The following SCHIP1 variants were observed in gnomAD, a reference collection of about 807,000 sequenced individuals.
The protein encoded by SCHIP1 is schwannomin-interacting protein 1.
A neutral mutation model predicts 29.7 loss-of-function variants in SCHIP1; 8 were observed. The observed-to-expected ratio is 0.27, with a 90% CI of 0.16 to 0.49. The LOEUF is 0.49. Among genes scored for constraint, SCHIP1 ranks in the 20% least tolerant of loss-of-function variants. The pLI, the probability that SCHIP1 is intolerant of heterozygous loss-of-function variation, is 0.99. For synonymous variants in SCHIP1, 76 were observed against 94.9 expected (o/e 0.80, Z 1.16); for missense variants, 193 against 294.6 (o/e 0.66, Z 2.52).
At chr3:159,501,867 A>G in the SCHIP1 span, among the ~76,000 whole-genome samples, 1 of 152,198 alleles carries the variant, frequency 6.6e-6, no homozygotes, top group African/African-American at 2.4e-5. Flanking sequence ...GCATTTGGAT[A>G]CATGAGTTCC....
intron 3 of SCHIP1, chr3:159,886,545 TA>T: frequency 2.3e-6 from 1 of 433,948 alleles, no homozygotes. Flanking sequence ...ATTTTCATAT[TA>T]AACCATTAGA....
At chr3:159,703,200 T>G in the SCHIP1 span, among the ~76,000 whole-genome samples, 2 of 152,156 alleles carry the variant, frequency 1.3e-5, no homozygotes, top group Non-Finnish European at 2.9e-5. Context: ...AATCAAATGA[T>G]TCAAGAACTT....
the SCHIP1 span, among the ~76,000 whole-genome samples, chr3:159,593,954 CT>C: frequency 6.6e-6 from 1 of 152,216 alleles, no homozygotes; most frequent in African/African-American, 2.4e-5. Context: ...CTGTGATCAC[CT>C]CTGCTACTGG....
chr3:159,870,801 A>G (rs1715176618), intron 2 of SCHIP1, among the ~76,000 whole-genome samples: 2 of 151,982 alleles, frequency 1.3e-5, no homozygotes, highest in African/African-American at 2.4e-5. Flanking sequence ...TATCAGGGTT[A>G]TGCTGGCTTA....
At chr3:159,624,201 A>G in the SCHIP1 span, among the ~76,000 whole-genome samples, 1 of 152,194 alleles carries the variant, frequency 6.6e-6, no homozygotes, top group Non-Finnish European at 1.5e-5. Context: ...GCAACCCTCT[A>G]AAATATGTTC....
chr3:159,691,487 G>A, the SCHIP1 span, among the ~76,000 whole-genome samples: 3 of 133,630 alleles, frequency 2.2e-5, no homozygotes, highest in East Asian at 6.9e-4. Flanking sequence ...TTGAGCCTAT[G>A]TGTATCTTTG....
the SCHIP1 span, among the ~76,000 whole-genome samples, chr3:159,608,080 G>A: frequency 1.2e-4 from 18 of 152,190 alleles, no homozygotes; most frequent in Non-Finnish European, 1.8e-4. Flanking sequence ...CAGAAAGTCA[G>A]ATGTGGGCTC....
chr3:159,301,895 A>T, the SCHIP1 span, among the ~76,000 whole-genome samples: 3,632 of 152,274 alleles, frequency 0.024, 143 homozygotes, highest in African/African-American at 0.083. Flanking sequence ...AAACTTCATT[A>T]TATCTGAAAC....
chr3:159,855,527 G>A lies in SCHIP1; in HGVS notation c.31-10636G>A, dbSNP rs889236084. On this transcript the variant is annotated intron_variant, in intron 1 of 6. Coordinates refer to ENST00000445224, the Ensembl canonical transcript of SCHIP1. ...ATCAGTAAGATGGTTTTGAGTCCATGCCTGTAATATACATATATTTTATTC... is the reference window on the plus strand; with the variant it reads ...ATCAGTAAGATGGTTTTGAGTCCATACCTGTAATATACATATATTTTATTC... Among the ~76,000 whole-genome samples the A allele has an allele frequency of 5.3e-5, 8 of 152,100 alleles. No homozygotes were observed. In the East Asian group the frequency reaches 1.2e-3, roughly 22 times the overall value.
chr3:159,476,173 T>C, the SCHIP1 span, among the ~76,000 whole-genome samples: 1 of 152,282 alleles, frequency 6.6e-6, no homozygotes, highest in East Asian at 1.9e-4. Context: ...TCAAAATGAC[T>C]TTACAGGCAT....
the SCHIP1 span, among the ~76,000 whole-genome samples, chr3:159,570,433 T>A: frequency 6.6e-6 from 1 of 152,216 alleles, no homozygotes; most frequent in Non-Finnish European, 1.5e-5. Context: ...TTTGTTAGGT[T>A]TCTCAAAGAT....
chr3:159,626,300 A>AT, the SCHIP1 span, among the ~76,000 whole-genome samples: 1,064 of 131,344 alleles, frequency 8.1e-3, 27 homozygotes, highest in East Asian at 0.054. Context: ...AGATAGATAG[A>AT]TTTTTTTTTA....
At chr3:159,879,728 AG>A (rs1027648682) in intron 2 of SCHIP1, among the ~76,000 whole-genome samples, 18 of 152,334 alleles carry the variant, frequency 1.2e-4, no homozygotes, top group Non-Finnish European at 2.5e-4. Context: ...ATTACATGAA[AG>A]TGGTCATTAG....
At chr3:159,670,455 C>A in the SCHIP1 span, among the ~76,000 whole-genome samples, 1 of 152,120 alleles carries the variant, frequency 6.6e-6, no homozygotes, top group African/African-American at 2.4e-5. Flanking sequence ...TGAAAACAGA[C>A]CAGTCAGGCA....
the SCHIP1 span, among the ~76,000 whole-genome samples, chr3:159,335,874 G>C: frequency 1.3e-5 from 2 of 152,298 alleles, no homozygotes; most frequent in African/African-American, 4.8e-5. Flanking sequence ...TGGGATGGCT[G>C]CGTCAAATGG....
the SCHIP1 span, among the ~76,000 whole-genome samples, chr3:159,494,426 C>T: frequency 1.3e-5 from 2 of 152,074 alleles, no homozygotes; most frequent in South Asian, 2.1e-4. Context: ...GGAGATATCA[C>T]CACCGATCCC....
At chr3:159,495,713 T>C in the SCHIP1 span, among the ~76,000 whole-genome samples, 28 of 152,112 alleles carry the variant, frequency 1.8e-4, no homozygotes, top group Admixed American at 1.3e-3. Flanking sequence ...ATGCCATCCC[T>C]ATCAAGCTAC....
At chr3:159,674,771 A>G in the SCHIP1 span, among the ~76,000 whole-genome samples, 1 of 152,148 alleles carries the variant, frequency 6.6e-6, no homozygotes, top group African/African-American at 2.4e-5. Context: ...TCCAATTAGG[A>G]TATGACTCAG....
the SCHIP1 span, among the ~76,000 whole-genome samples, chr3:159,347,635 C>A: frequency 1.3e-5 from 2 of 152,156 alleles, no homozygotes; most frequent in African/African-American, 4.8e-5. Context: ...CTTAAAATAT[C>A]TCTTCTGAAA....
Sources: gnomAD v4.1 joint callset for allele counts (sites outside exome capture counted in the v4.1 genomes callset) on GRCh38, gnomAD v4.1.1 for gene constraint, MANE v1.5 for transcripts, NCBI Gene and HGNC (gene_info 2026-07-23, HGNC 2026-07-21) for gene names.